ARHGEF3: variants seen among roughly 807,000 people sequenced by gnomAD.
The protein encoded by ARHGEF3 is Rho guanine nucleotide exchange factor 3, also known as 59.8 kDA protein.
In ARHGEF3, 28 loss-of-function variants were observed where a neutral mutation model predicts 63.2. That is an observed-to-expected ratio of 0.44 (90% confidence interval 0.33 to 0.61). The LOEUF is 0.61. Ranked by LOEUF, ARHGEF3 falls within the 20% of genes least tolerant of loss-of-function variation. ARHGEF3 has a pLI of 0.03. For missense variants in ARHGEF3, 533 were observed against 659.3 expected, an observed-to-expected ratio of 0.81 and a Z score of 2.10; for synonymous variants, 266 against 254.2, an observed-to-expected ratio of 1.05 and a Z score of -0.44.
At chr3:56,918,758 T>C (rs751608701) in intron 3 of ARHGEF3, among the ~76,000 whole-genome samples, 13 of 152,176 alleles carry the variant, frequency 8.5e-5, no homozygotes, top group Non-Finnish European at 1.9e-4. Context: ...TAATGGGATA[T>C]CAAAAGGAAC....
At chr3:56,967,865 T>TA (rs1560092840) in intron 2 of ARHGEF3, among the ~76,000 whole-genome samples, 1 of 72,122 alleles carries the variant, frequency 1.4e-5, no homozygotes. Context: ...TATAATGACA[T>TA]ATATAATATA....
At chr3:56,835,995 T>C (rs981317171) in intron 4 of ARHGEF3, among the ~76,000 whole-genome samples, 2 of 152,232 alleles carry the variant, frequency 1.3e-5, no homozygotes, top group Admixed American at 1.3e-4. Context: ...TTAGAAAAAC[T>C]GTTGGTGTTT....
intron 2 of ARHGEF3, among the ~76,000 whole-genome samples, chr3:56,973,733 G>A (rs1351103537): frequency 6.6e-6 from 1 of 152,032 alleles, no homozygotes; most frequent in Non-Finnish European, 1.5e-5. Flanking sequence ...AGAGACCCCT[G>A]GTGACTTGAC....
chr3:56,775,140 T>C (rs1301947840), intron 1 of ARHGEF3: 17 of 1,540,528 alleles, frequency 1.1e-5, no homozygotes, highest in Non-Finnish European at 1.5e-5. Context: ...TAGGTATTCA[T>C]CTTTCCTTTT....
chr3:56,878,959 A>C (rs1424456712), intron 4 of ARHGEF3, among the ~76,000 whole-genome samples: 2 of 152,144 alleles, frequency 1.3e-5, no homozygotes, highest in East Asian at 3.9e-4. Context: ...TTCTCATAGG[A>C]GCACACACCC....
At chr3:56,950,416 A>C (rs1386110512) in intron 3 of ARHGEF3, among the ~76,000 whole-genome samples, 5 of 151,628 alleles carry the variant, frequency 3.3e-5, no homozygotes, top group Non-Finnish European at 7.4e-5. Context: ...TCTACAATGA[A>C]CTCAAACAAA....
chr3:56,944,724 CTG>C, intron 3 of ARHGEF3, among the ~76,000 whole-genome samples: 1 of 151,672 alleles, frequency 6.6e-6, no homozygotes, highest in Non-Finnish European at 1.5e-5. Context: ...CGACAGGCAC[CTG>C]CGCAACCATG....
intron 1 of ARHGEF3, among the ~76,000 whole-genome samples, chr3:57,070,159 T>C (rs1705805480): frequency 6.6e-6 from 1 of 152,190 alleles, no homozygotes; most frequent in Non-Finnish European, 1.5e-5. Context: ...CCTCCAGGGC[T>C]GTGGGGTCTC....
At chr3:56,983,708 C>T (rs980233607) in intron 2 of ARHGEF3, among the ~76,000 whole-genome samples, 7 of 152,080 alleles carry the variant, frequency 4.6e-5, no homozygotes, top group Non-Finnish European at 8.8e-5. Context: ...GAGCCAGAGG[C>T]GGGCGGATCA....
At position 56,827,944 on chromosome 3, in the gene ARHGEF3, C is replaced by CAAAA. The variant is rs11462683; in HGVS notation, c.193-54132_193-54129dup. ...TGGGTGACAACATGAGATTCTGTCT[C>CAAAA]AAAAAAAAAAAAAAAAAAAAAAAAA... is the stretch of plus-strand genomic sequence containing the variant. On this transcript the variant is annotated intron_variant, in intron 4 of 12. Coordinates refer to the ARHGEF3 transcript ENST00000338458. Among the ~76,000 whole-genome samples, 259 of 33,746 alleles carry CAAAA rather than the reference C, an allele frequency of 7.7e-3. 31 individuals are homozygous for CAAAA. Among genetic ancestry groups the CAAAA allele is most frequent in the African/African-American group, 0.016 (114 of 7,064 alleles). 22.1% of individuals were successfully genotyped at this position (33,746 alleles called of 152,430 possible). A position where few individuals can be genotyped will look rare whatever the true frequency, so the allele number is the denominator to read the frequency against.
intron 1 of ARHGEF3, among the ~76,000 whole-genome samples, chr3:56,798,048 A>G (rs2037458500): frequency 6.6e-6 from 1 of 152,200 alleles, no homozygotes; most frequent in Admixed American, 6.5e-5. Flanking sequence ...TACAAGCTTT[A>G]TGTTAACCTT....
At chr3:56,967,465 TTA>T (rs1491028530) in intron 2 of ARHGEF3, among the ~76,000 whole-genome samples, 4 of 58,490 alleles carry the variant, frequency 6.8e-5, no homozygotes, top group Admixed American at 3.0e-4. Context: ...ATATTATATA[TTA>T]TATAATATAT....
chr3:56,805,056 C>T (rs1262737044), upstream of ARHGEF3, among the ~76,000 whole-genome samples: 3 of 152,268 alleles, frequency 2.0e-5, no homozygotes, highest in East Asian at 5.8e-4. Flanking sequence ...CCCAGAAGAG[C>T]TTGCTGGGCC....
At chr3:56,769,189 C>A (rs539852152) in intron 2 of ARHGEF3, among the ~76,000 whole-genome samples, 7 of 152,226 alleles carry the variant, frequency 4.6e-5, no homozygotes, top group Non-Finnish European at 8.8e-5. Context: ...ACACAACATT[C>A]CATAGCATGT....
At chr3:56,989,794 T>C (rs1019702284) in intron 2 of ARHGEF3, among the ~76,000 whole-genome samples, 3 of 152,186 alleles carry the variant, frequency 2.0e-5, no homozygotes, top group Non-Finnish European at 4.4e-5. Flanking sequence ...ACTCAGACTT[T>C]ACGCACGGGA....
intron 4 of ARHGEF3, among the ~76,000 whole-genome samples, chr3:56,873,646 G>C (rs1444547771): frequency 6.6e-6 from 1 of 152,130 alleles, no homozygotes; most frequent in African/African-American, 2.4e-5. Flanking sequence ...CTGGGCTCAA[G>C]CAATCCTCCA....
chr3:56,767,934 G>C (rs1033310827), intron 2 of ARHGEF3, among the ~76,000 whole-genome samples: 4 of 151,936 alleles, frequency 2.6e-5, no homozygotes, highest in African/African-American at 9.7e-5. Context: ...TTTTGGTAGA[G>C]ACGGGGTTTC....
chr3:56,789,934 T>C (rs1013679870), intron 1 of ARHGEF3, among the ~76,000 whole-genome samples: 1 of 152,168 alleles, frequency 6.6e-6, no homozygotes, highest in African/African-American at 2.4e-5. Context: ...ATCAGAAGGA[T>C]CAGATAATTT....
At chr3:56,898,857 C>A (rs561785879) in intron 3 of ARHGEF3, among the ~76,000 whole-genome samples, 2 of 152,200 alleles carry the variant, frequency 1.3e-5, no homozygotes, top group South Asian at 4.2e-4. Flanking sequence ...GAGATCAAGA[C>A]CATCCTGGCT....
Sources: gnomAD v4.1 joint callset for allele counts (sites outside exome capture counted in the v4.1 genomes callset) on GRCh38, gnomAD v4.1.1 for gene constraint, MANE v1.5 for transcripts, NCBI Gene and HGNC (gene_info 2026-07-23, HGNC 2026-07-21) for gene names.